Variants in ANO3 observed in about 807,000 individuals in gnomAD.
The protein encoded by ANO3 is anoctamin-3.
Under a neutral mutation model 144.8 loss-of-function variants are expected in ANO3, and 99 were observed. That is an observed-to-expected ratio of 0.68 (90% CI 0.58 to 0.81). The LOEUF (loss-of-function observed/expected upper bound fraction) is 0.81. ANO3 is among the 30% of genes least tolerant of loss of function. ANO3 has a pLI of 0.00. For synonymous variants in ANO3, 414 were observed against 392.6 expected, an observed-to-expected ratio of 1.05 and a Z score of -0.64; for missense variants, 905 against 1,202.2, an observed-to-expected ratio of 0.75 and a Z score of 3.66.
At chr11:26,234,397 C>T (rs1852469693) in intron 1 of ANO3, among the ~76,000 whole-genome samples, 1 of 152,170 alleles carries the variant, frequency 6.6e-6, no homozygotes, top group African/African-American at 2.4e-5. Context: ...CATTTAGGCA[C>T]AAATTGCGAC....
intron 9 of ANO3, among the ~76,000 whole-genome samples, chr11:26,534,919 G>T (rs147254193): frequency 2.4e-4 from 36 of 152,164 alleles, no homozygotes; most frequent in African/African-American, 6.0e-4. Context: ...TACCTTACGT[G>T]TCCATGCTTA....
At chr11:26,619,032 G>A (rs1173067992) in intron 17 of ANO3, among the ~76,000 whole-genome samples, 1 of 152,138 alleles carries the variant, frequency 6.6e-6, no homozygotes, top group African/African-American at 2.4e-5. Context: ...CTTAGGATAT[G>A]TCATTTCTCC....
intron 3 of ANO3, among the ~76,000 whole-genome samples, chr11:26,452,837 G>T (rs554616272): frequency 1.3e-5 from 2 of 152,274 alleles, no homozygotes; most frequent in South Asian, 4.1e-4. Flanking sequence ...GAGAAAGGAT[G>T]GGTTACCTAC....
At position 26,587,937 on chromosome 11, in the gene ANO3, CAA is replaced by C. The variant is rs60752903; in HGVS notation, c.1448-10409_1448-10408del. Among the ~76,000 whole-genome samples, 210 of 116,292 alleles carry C rather than the reference CAA, an allele frequency of 1.8e-3. 1 individual carries two copies. The highest frequency in any genetic ancestry group is 4.2e-3 in the Middle Eastern group (1 of 236). The allele number at this position is 116,292 out of a possible 152,430, so 76.3% of individuals were successfully genotyped here. ...TGGGTGACAAAGTGAAACTCTGTCT[CAA>C]AAAAAAAAAAAAAAAAAAGTACTTA... On this transcript the variant is annotated intron_variant, in intron 14 of 26. Coordinates refer to ENST00000256737, the MANE Select transcript of ANO3 (RefSeq NM_031418.4).
At chr11:26,589,754 C>T (rs1485512079) in intron 14 of ANO3, among the ~76,000 whole-genome samples, 1 of 152,224 alleles carries the variant, frequency 6.6e-6, no homozygotes, top group East Asian at 1.9e-4. Context: ...CGGCTCCTCT[C>T]ACTTAGCCCT....
At chr11:26,384,764 T>C (rs1856679954) in intron 1 of ANO3, among the ~76,000 whole-genome samples, 1 of 152,198 alleles carries the variant, frequency 6.6e-6, no homozygotes, top group African/African-American at 2.4e-5. Context: ...ATATTCTTAC[T>C]CCCTAGACAC....
chr11:26,434,747 T>A (rs1858235996), intron 1 of ANO3, among the ~76,000 whole-genome samples: 1 of 152,228 alleles, frequency 6.6e-6, no homozygotes, highest in African/African-American at 2.4e-5. Flanking sequence ...AGCAATTTTT[T>A]AAGTCTTCAT....
chr11:26,596,890 G>A (rs777298711), intron 14 of ANO3, among the ~76,000 whole-genome samples: 19 of 152,114 alleles, frequency 1.2e-4, no homozygotes, highest in Admixed American at 2.0e-4. Flanking sequence ...GCCGACCCTC[G>A]GCTTCCCTAG....
At chr11:26,554,316 A>AT (rs1363005021) in intron 13 of ANO3, among the ~76,000 whole-genome samples, 19 of 151,960 alleles carry the variant, frequency 1.3e-4, no homozygotes, top group African/African-American at 4.6e-4. Context: ...CTGTTTGTTT[A>AT]TTTCTTTACC....
chr11:26,327,167 G>A (rs550409411), upstream of ANO3, among the ~76,000 whole-genome samples: 1 of 152,242 alleles, frequency 6.6e-6, no homozygotes, highest in Admixed American at 6.5e-5. Context: ...CATTCATTCA[G>A]CAAATATTTA....
chr11:26,352,354 G>T (rs1250824462), intron 1 of ANO3, among the ~76,000 whole-genome samples: 1 of 152,142 alleles, frequency 6.6e-6, no homozygotes, highest in Non-Finnish European at 1.5e-5. Context: ...GAACATTGAA[G>T]ATCCTGTCTA....
chr11:26,273,829 G>A (rs1463647125), intron 1 of ANO3, among the ~76,000 whole-genome samples: 1 of 152,122 alleles, frequency 6.6e-6, no homozygotes, highest in Non-Finnish European at 1.5e-5. Context: ...AGACATGGAG[G>A]AAGCAGTGTC....
chr11:26,319,375 C>A (rs1448311908), intron 1 of ANO3, among the ~76,000 whole-genome samples: 1 of 152,034 alleles, frequency 6.6e-6, no homozygotes, highest in East Asian at 1.9e-4. Flanking sequence ...AAGTTAATAA[C>A]CTAGTATGTA....
intron 1 of ANO3, among the ~76,000 whole-genome samples, chr11:26,267,182 A>ACG (rs922113859): frequency 1.3e-5 from 2 of 150,478 alleles, no homozygotes; most frequent in East Asian, 2.0e-4. Context: ...TCACGCACGC[A>ACG]CGCACACACA....
At chr11:26,470,818 T>C (rs1176167810) in intron 4 of ANO3, among the ~76,000 whole-genome samples, 1 of 152,076 alleles carries the variant, frequency 6.6e-6, no homozygotes, top group East Asian at 1.9e-4. Flanking sequence ...AAGCCATAAA[T>C]ATTATAATAT....
chr11:26,569,498 G>A (rs963324782), intron 14 of ANO3, among the ~76,000 whole-genome samples: 13 of 152,086 alleles, frequency 8.5e-5, no homozygotes, highest in East Asian at 1.9e-4. Flanking sequence ...TCTTAAAGTC[G>A]TAGAAGCAGC....
chr11:26,456,465 C>A (rs2134047308), intron 3 of ANO3, among the ~76,000 whole-genome samples: 1 of 151,398 alleles, frequency 6.6e-6, no homozygotes, highest in African/African-American at 2.4e-5. Flanking sequence ...CCAAAAAACA[C>A]ATGAAAAAAT....
At chr11:26,596,200 C>A (rs1851623526) in intron 14 of ANO3, among the ~76,000 whole-genome samples, 1 of 146,896 alleles carries the variant, frequency 6.8e-6, no homozygotes. Context: ...TCTTCTTTGA[C>A]TTTCTGTCTC....
intron 1 of ANO3, among the ~76,000 whole-genome samples, chr11:26,324,377 A>T (rs1854834100): frequency 6.6e-6 from 1 of 152,200 alleles, no homozygotes; most frequent in African/African-American, 2.4e-5. Flanking sequence ...ATTGCCTGCC[A>T]GATGTACCCC....
Sources: allele counts gnomAD v4.1 joint callset (sites outside exome capture counted in the v4.1 genomes callset), GRCh38; gene constraint gnomAD v4.1.1; transcripts MANE v1.5; gene names NCBI Gene and HGNC (gene_info 2026-07-23, HGNC 2026-07-21).